Variants in GPR107 observed in about 807,000 individuals in gnomAD.
The protein encoded by GPR107 is protein GPR107.
GPR107 carries 31 observed loss-of-function variants against 75.5 expected under a neutral mutation model. The observed-to-expected ratio is 0.41, with a 90% CI of 0.31 to 0.55. The LOEUF is 0.55. GPR107 is among the 20% of genes least tolerant of loss of function. The pLI is 0.26. For missense variants in GPR107, 572 were observed against 665.7 expected (o/e 0.86, Z 1.55); for synonymous variants, 267 against 251.3 (o/e 1.06, Z -0.59).
chr9:130,067,181 C>T (rs766936420), intron 1 of GPR107, among the ~76,000 whole-genome samples: 19 of 152,036 alleles, frequency 1.2e-4, no homozygotes, highest in South Asian at 8.3e-4. Flanking sequence ...GTGCTGTGTA[C>T]GCAGAAAGGT....
At chr9:130,097,468 G>A (rs11794486) in intron 9 of GPR107, among the ~76,000 whole-genome samples, 35,498 of 151,782 alleles carry the variant, frequency 0.23, 4,288 homozygotes, top group Non-Finnish European at 0.28. Flanking sequence ...AGTTAATTTC[G>A]TTAAGGGCCA....
At chr9:130,076,543 T>G in intron 3 of GPR107, 81 bp downstream of exon 3, 1 of 896,918 alleles carries the variant, frequency 1.1e-6, no homozygotes, top group African/African-American at 1.7e-5. Context: ...TTCTTGCAGT[T>G]CCATTTTCAT....
At chr9:130,124,690 A>T (rs1206551026) in intron 14 of GPR107, among the ~76,000 whole-genome samples, 1 of 151,986 alleles carries the variant, frequency 6.6e-6, no homozygotes, top group Non-Finnish European at 1.5e-5. Flanking sequence ...GTGCAAGCCA[A>T]CTCCAGCTCA....
chr9:130,125,329 G>T lies in GPR107; in HGVS notation c.1356+365G>T, dbSNP rs959708364. 7.9e-5 allele frequency among the ~76,000 whole-genome samples: 12 copies of T among 151,392 alleles called. No homozygotes were observed. In the East Asian group the frequency reaches 2.3e-3, roughly 29 times the overall value. ...ACTCCTGACCTCAGGTGATCCACCCGCCTCGGCCTCCCAGAGTGCGGGGAT... is the reference window on the plus strand; with the variant it reads ...ACTCCTGACCTCAGGTGATCCACCCTCCTCGGCCTCCCAGAGTGCGGGGAT... On this transcript the variant is annotated intron_variant, in intron 15 of 17. Coordinates refer to ENST00000347136, the MANE Select transcript of GPR107 (RefSeq NM_020960.5).
At position 130,112,355 on chromosome 9, in the gene GPR107, C is replaced by T. The variant is rs891214635; in HGVS notation, c.1306+4816C>T. Among the ~76,000 whole-genome samples, 1 of 152,218 alleles carries T rather than the reference C, an allele frequency of 6.6e-6. No homozygotes were observed. Among genetic ancestry groups the T allele is most frequent in the African/African-American group, 2.4e-5 (1 of 41,466 alleles). On this transcript the variant is annotated intron_variant, in intron 14 of 17. Coordinates refer to ENST00000347136, the MANE Select transcript of GPR107 (RefSeq NM_020960.5). The surrounding 1 kb of genome is among the most constrained non-coding windows in gnomAD (Gnocchi z 4.0). ...CTCAAGGGGGTCCTCGGGATCAAAA[C>T]TATTTTCATAATCATACGGTGTGAG...
intron 1 of GPR107, among the ~76,000 whole-genome samples, chr9:130,071,054 G>A (rs866375932): frequency 7.0e-4 from 8 of 11,504 alleles, no homozygotes; most frequent in Admixed American, 4.5e-3. Context: ...TTTTTTTTTT[G>A]AGACAGAGTC....
At chr9:130,074,245 G>T (rs1830286018) in intron 1 of GPR107, among the ~76,000 whole-genome samples, 1 of 151,904 alleles carries the variant, frequency 6.6e-6, no homozygotes, top group African/African-American at 2.4e-5. Context: ...GTGTAGTTCT[G>T]TGGGGGAGAG....
At chr9:130,077,164 G>C in intron 3 of GPR107, 135 bp from the exon 4 acceptor site, 1 of 627,488 alleles carries the variant, frequency 1.6e-6, no homozygotes, top group Non-Finnish European at 2.9e-6. Flanking sequence ...GGGATTACAG[G>C]CGTGAGCCAC....
chr9:130,080,578 G>A (rs1435237055), intron 5 of GPR107, among the ~76,000 whole-genome samples: 7 of 151,840 alleles, frequency 4.6e-5, no homozygotes, highest in Admixed American at 1.3e-4. Context: ...TGCAAGCTCC[G>A]CCTCCCGGGT....
intron 1 of GPR107, among the ~76,000 whole-genome samples, chr9:130,065,532 G>T (rs559754593): frequency 1.3e-5 from 2 of 151,650 alleles, no homozygotes; most frequent in African/African-American, 2.4e-5. Context: ...TAGGGAGGCC[G>T]CAACGGGCAC....
Position 130,090,987 on chromosome 9 carries a change from A to C in GPR107, c.729+4A>C, listed in dbSNP as rs758822875. 13 of 1,177,722 alleles carry C rather than the reference A, an allele frequency of 1.1e-5. No homozygotes were observed. In the South Asian group the frequency reaches 1.6e-4, roughly 14 times the overall value. 73.0% of individuals were successfully genotyped at this position (1,177,722 alleles called of 1,614,324 possible). On this transcript the variant is annotated splice_donor_region_variant and intron_variant, in intron 8 of 17. Transcript: ENST00000347136. ...CAAGTTTACATTCAGCCTTGATGTG[A>C]GTACTGTTTGGAGATTGTTCTACGT...
intron 7 of GPR107, among the ~76,000 whole-genome samples, chr9:130,090,214 A>C (rs2109625): frequency 0.59 from 90,299 of 152,002 alleles, 26,832 homozygotes; most frequent in East Asian, 0.79. Context: ...AAGAAGTCAT[A>C]TTCTCTAAGT....
intron 4 of GPR107, among the ~76,000 whole-genome samples, chr9:130,077,878 T>C (rs1376338905): frequency 6.6e-6 from 1 of 151,960 alleles, no homozygotes; most frequent in Non-Finnish European, 1.5e-5. Context: ...TCTTTGAAAA[T>C]GTTGAGGCCG....
At chr9:130,110,288 T>C in intron 14 of GPR107, 2 of 798,978 alleles carry the variant, frequency 2.5e-6, no homozygotes, top group Admixed American at 4.0e-5. Flanking sequence ...CCAGCATCTG[T>C]AGTAAAGGGT....
chr9:130,126,393 T>G (rs1320247620), intron 15 of GPR107, among the ~76,000 whole-genome samples: 1 of 147,798 alleles, frequency 6.8e-6, no homozygotes, highest in Non-Finnish European at 1.5e-5. Flanking sequence ...TCTCCCAGGC[T>G]GGAGTGCAAT....
chr9:130,094,476 G>C (rs1353837393), intron 9 of GPR107, among the ~76,000 whole-genome samples: 1 of 152,080 alleles, frequency 6.6e-6, no homozygotes, highest in African/African-American at 2.4e-5. Flanking sequence ...GGGAGGCTGA[G>C]GTGGGAGGAT....
intron 6 of GPR107, among the ~76,000 whole-genome samples, chr9:130,086,143 G>C (rs1372546733): frequency 6.6e-6 from 1 of 152,154 alleles, no homozygotes; most frequent in Non-Finnish European, 1.5e-5. Flanking sequence ...GAAGCTTCAA[G>C]GGTAGACAAG....
At chr9:130,099,350 C>G in intron 9 of GPR107, 107 bp from the exon 10 acceptor site, 1 of 680,676 alleles carries the variant, frequency 1.5e-6, no homozygotes, top group South Asian at 1.7e-5. Context: ...GTGGTTTGCA[C>G]AGATTATATT....
intron 14 of GPR107, among the ~76,000 whole-genome samples, chr9:130,109,894 G>A (rs1475798652): frequency 3.3e-5 from 5 of 152,200 alleles, no homozygotes; most frequent in East Asian, 3.9e-4. Context: ...TTAATATATC[G>A]CGATGAGACC....
Sources: gnomAD v4.1 joint callset for allele counts (sites outside exome capture counted in the v4.1 genomes callset) on GRCh38, gnomAD v4.1.1 for gene constraint, Gnocchi (gnomAD v3.1) non-coding constraint, MANE v1.5 for transcripts, NCBI Gene and HGNC (gene_info 2026-07-23, HGNC 2026-07-21) for gene names.